The following ZNF365 variants were observed in gnomAD, a reference collection of about 807,000 sequenced individuals.
The protein encoded by ZNF365 is protein ZNF365.
Under a neutral mutation model 35.0 loss-of-function variants are expected in ZNF365, and 22 were observed. That is an observed-to-expected ratio of 0.63 (90% CI 0.45 to 0.90). The LOEUF (loss-of-function observed/expected upper bound fraction) is 0.90, where lower values mean the gene tolerates loss of function less well. Ranked by LOEUF, ZNF365 falls within the 40% of genes least tolerant of loss-of-function variation. The probability of loss-of-function intolerance (pLI) is 0.00; values close to 1 mark genes in which losing one functional copy is unlikely to be tolerated. For synonymous variants in ZNF365, 188 were observed against 196.2 expected, an observed-to-expected ratio of 0.96 and a Z score of 0.35; for missense variants, 448 against 500.3, an observed-to-expected ratio of 0.90 and a Z score of 1.00.
At chr10:62,420,060 G>T (rs1840142175) in intron 3 of ZNF365, among the ~76,000 whole-genome samples, 1 of 151,858 alleles carries the variant, frequency 6.6e-6, no homozygotes, top group Non-Finnish European at 1.5e-5. Flanking sequence ...TAATGTATTA[G>T]GTTATGTTAA....
chr10:62,419,999 T>A (rs916861742), intron 3 of ZNF365, among the ~76,000 whole-genome samples: 1 of 152,144 alleles, frequency 6.6e-6, no homozygotes, highest in Non-Finnish European at 1.5e-5. Context: ...TAGAGAGATG[T>A]TTTCTCCTTT....
chr10:62,413,529 A>G (rs745972257), intron 3 of ZNF365, among the ~76,000 whole-genome samples: 1 of 152,074 alleles, frequency 6.6e-6, no homozygotes, highest in Non-Finnish European at 1.5e-5. Context: ...TCTTAGGAAA[A>G]CTTTTGACCC....
chr10:62,466,484 G>A (rs374642750), intron 4 of ZNF365, among the ~76,000 whole-genome samples: 35 of 152,256 alleles, frequency 2.3e-4, no homozygotes, highest in East Asian at 1.7e-3. Context: ...CCAGTAGCAC[G>A]GGCCGAGCAC....
At chr10:62,405,596 T>G (rs1427341721), downstream of ZNF365, among the ~76,000 whole-genome samples, 2 of 152,234 alleles carry the variant, frequency 1.3e-5, no homozygotes, top group Non-Finnish European at 2.9e-5. Context: ...GATTGGTTAT[T>G]GCACCTATGC....
Position 62,376,827 on chromosome 10 carries a change from C to T in ZNF365, c.634C>T (p.Gln212Ter). 6.2e-7 allele frequency: 1 copy of T among 1,614,180 alleles called. No homozygotes were observed. The highest frequency in any genetic ancestry group is 8.5e-7 in the Non-Finnish European group (1 of 1,180,028). ...VQLTQKKQEV[Q>*]RRERALNRQV... Reference sequence around the variant, plus strand: ...GCTGACTCAGAAAAAGCAGGAAGTTCAGAGACGAGAGCGGGCCTTAAACAG... The same window carrying T: ...GCTGACTCAGAAAAAGCAGGAAGTTTAGAGACGAGAGCGGGCCTTAAACAG... The change falls in exon 2 of 5, where the codon CAG becomes TAG. Residue 212 changes from glutamine to a stop codon, truncating the protein, a stop_gained. Transcript: ENST00000395254. LOFTEE classifies it high-confidence loss of function.
In ZNF365 at chr10:62,401,835, A is replaced by G. The variant is rs924532462; in HGVS notation, c.*2046A>G. The G allele has an allele frequency of 3.0e-6, 3 of 985,458 alleles. No individual in the cohort carries two copies. The highest frequency in any genetic ancestry group is 9.4e-5 in the South Asian group (2 of 21,294). The allele number at this position is 985,458 out of a possible 1,614,324, so 61.0% of individuals were successfully genotyped here. On this transcript the variant is annotated 3_prime_UTR_variant, in exon 5 of 5. Transcript: ENST00000395254. Reference sequence around the variant, plus strand: ...CAACTCTCTTTGACAGTGGTACCCCATGATCTTCAGAAAGTACCATAATGT... The same window carrying G: ...CAACTCTCTTTGACAGTGGTACCCCGTGATCTTCAGAAAGTACCATAATGT...
chr10:62,424,886 C>T (rs3999112), intron 3 of ZNF365, among the ~76,000 whole-genome samples: 71,358 of 151,988 alleles, frequency 0.47, 20,228 homozygotes, highest in East Asian at 0.68. Context: ...TGCTGGATAC[C>T]TGTAATTATC....
chr10:62,476,979 AT>A (rs1477687007), intron 4 of ZNF365, among the ~76,000 whole-genome samples: 1 of 152,204 alleles, frequency 6.6e-6, no homozygotes, highest in Non-Finnish European at 1.5e-5. Context: ...ATTGTGATTA[AT>A]TACTTTTGTC....
intron 2 of ZNF365, among the ~76,000 whole-genome samples, chr10:62,387,730 T>A (rs1033630857): frequency 1.3e-5 from 2 of 152,190 alleles, no homozygotes; most frequent in Admixed American, 1.3e-4. Context: ...AGCTAAAAAA[T>A]ATACTGTTGG....
chr10:62,435,758 GC>G (rs1167647092), intron 3 of ZNF365, among the ~76,000 whole-genome samples: 2 of 152,114 alleles, frequency 1.3e-5, no homozygotes, highest in Admixed American at 1.3e-4. Flanking sequence ...TTCTGGCAAT[GC>G]CTAAATTCTT....
At chr10:62,399,426 A>G in intron 4 of ZNF365, 102 bp from the exon 5 acceptor site, 1 of 1,505,042 alleles carries the variant, frequency 6.6e-7, no homozygotes, top group Non-Finnish European at 9.0e-7. Context: ...CCACTGTAGC[A>G]TGTAGGAGAG....
At chr10:62,467,637 A>T (rs1840966155) in intron 4 of ZNF365, among the ~76,000 whole-genome samples, 1 of 152,208 alleles carries the variant, frequency 6.6e-6, no homozygotes. Context: ...TCCAAGTTGG[A>T]CTTATATTCC....
intron 3 of ZNF365, among the ~76,000 whole-genome samples, chr10:62,434,211 T>A (rs1212136820): frequency 1.3e-5 from 2 of 152,172 alleles, no homozygotes; most frequent in Non-Finnish European, 2.9e-5. Context: ...AAACATTGAA[T>A]TAGATAATCA....
At chr10:62,459,902 T>A in intron 4 of ZNF365, 1 of 990,120 alleles carries the variant, frequency 1.0e-6, no homozygotes. Context: ...GGCCATTGGT[T>A]TCTGTATGAA....
intron 3 of ZNF365, among the ~76,000 whole-genome samples, chr10:62,433,560 C>T (rs770685513): frequency 5.3e-5 from 8 of 152,182 alleles, no homozygotes; most frequent in Admixed American, 2.6e-4. Context: ...ACACCTACCT[C>T]GCTGGATTCT....
chr10:62,403,159 A>G (rs1298320935), downstream of ZNF365, among the ~76,000 whole-genome samples: 2 of 152,248 alleles, frequency 1.3e-5, no homozygotes, highest in Non-Finnish European at 2.9e-5. Context: ...TAAATGTATT[A>G]TCTACCGTAT....
intron 3 of ZNF365, among the ~76,000 whole-genome samples, chr10:62,413,394 T>A (rs1324872176): frequency 6.6e-6 from 1 of 152,196 alleles, no homozygotes; most frequent in African/African-American, 2.4e-5. Context: ...TAAACTTATT[T>A]GACCATGGAA....
intron 4 of ZNF365, among the ~76,000 whole-genome samples, chr10:62,468,543 T>C (rs538579572): frequency 3.1e-4 from 47 of 152,216 alleles, no homozygotes; most frequent in African/African-American, 1.1e-3. Flanking sequence ...AAACATCAAA[T>C]TTAGGGTGAA....
At position 62,411,596 on chromosome 10, in the gene ZNF365, A is replaced by G. The variant is rs183669949; in HGVS notation, c.924+23020A>G. ...GAAGATTCAATGGTTGCAGCTGAGT[A>G]GTCTTATTTCTGAGTTCTCTATTCT... On this transcript the variant is annotated intron_variant, in intron 3 of 4. Transcript: ENST00000395255. 8.6e-5 allele frequency among the ~76,000 whole-genome samples: 13 copies of G among 152,022 alleles called. No homozygotes were observed. In the East Asian group the frequency reaches 2.5e-3, roughly 29 times the overall value.
Sources: allele counts gnomAD v4.1 joint callset (sites outside exome capture counted in the v4.1 genomes callset), GRCh38; gene constraint gnomAD v4.1.1; transcripts MANE v1.5; gene names NCBI Gene and HGNC (gene_info 2026-07-23, HGNC 2026-07-21).